MBD2: variants seen among roughly 807,000 people sequenced by gnomAD.
MBD2 encodes methyl-CpG-binding domain protein 2.
A neutral mutation model predicts 39.3 loss-of-function variants in MBD2; 9 were observed. That is an observed-to-expected ratio of 0.23 (90% CI 0.14 to 0.40). MBD2 has a LOEUF of 0.40. MBD2 is among the 10% of genes least tolerant of loss of function. MBD2 has a pLI of 1.00. For synonymous variants in MBD2, 233 were observed against 211.1 expected (o/e 1.10, Z -0.90); for missense variants, 458 against 532.6 (o/e 0.86, Z 1.38).
At chr18:54,220,859 A>G (rs1299831611) in intron 1 of MBD2, among the ~76,000 whole-genome samples, 1 of 152,242 alleles carries the variant, frequency 6.6e-6, no homozygotes, top group Non-Finnish European at 1.5e-5. Context: ...ATTACGCTAC[A>G]TACACCTTAC....
At chr18:54,189,203 T>C (rs1422349367) in intron 2 of MBD2, among the ~76,000 whole-genome samples, 192 bp from the exon 3 acceptor site, 2 of 151,268 alleles carry the variant, frequency 1.3e-5, no homozygotes, top group Non-Finnish European at 2.9e-5. Context: ...CCTCAAAATA[T>C]ATGAAAAACT....
At chr18:54,196,046 T>A (rs1162819458) in intron 2 of MBD2, among the ~76,000 whole-genome samples, 2 of 152,224 alleles carry the variant, frequency 1.3e-5, no homozygotes, top group East Asian at 3.8e-4. Flanking sequence ...CAATTCTTCG[T>A]AAGTTTTTAA....
In MBD2 at chr18:54,224,466, T is replaced by A; in HGVS notation, c.94A>T (p.Ile32Leu). The stretch of plus-strand genomic sequence containing the variant: ...GCGCTGCCCTGGCCCCCCTGCTCTA[T>A]GGCGGAGTCGCCGCCAGCGCCGCTG... ...GGSGAGGDSA[I>L]EQGGQGSALA... Residue 32 changes from isoleucine (I) to leucine (L), a missense_variant, in exon 1 of 7, where the codon ATA becomes TTA. Ile to Leu is a conservative substitution (Grantham distance 5). Around this residue, in one of 2 missense-constraint regions of MBD2, gnomAD observed 269 missense variants for 236.0 expected, o/e 1.14. Coordinates refer to ENST00000256429, the MANE Select transcript of MBD2 (RefSeq NM_003927.5). The A allele has an allele frequency of 8.1e-7, 1 of 1,230,910 alleles. No individual in the cohort carries two copies. The highest frequency in any genetic ancestry group is 1.0e-6 in the Non-Finnish European group (1 of 989,186). 76.2% of individuals were successfully genotyped at this position (1,230,910 alleles called of 1,614,324 possible).
At chr18:54,213,514 G>T (rs867328593) in intron 1 of MBD2, among the ~76,000 whole-genome samples, 3 of 152,098 alleles carry the variant, frequency 2.0e-5, no homozygotes, top group Admixed American at 1.3e-4. Context: ...AAAAACCAGG[G>T]TATGCCACTA....
At chr18:54,193,687 G>C (rs908897195) in intron 2 of MBD2, among the ~76,000 whole-genome samples, 4 of 152,070 alleles carry the variant, frequency 2.6e-5, no homozygotes, top group African/African-American at 9.7e-5. Flanking sequence ...CTTTGGAAAA[G>C]ATCAATAGTG....
chr18:54,170,317 C>A (rs144111804), intron 3 of MBD2, among the ~76,000 whole-genome samples: 1 of 152,146 alleles, frequency 6.6e-6, no homozygotes, highest in African/African-American at 2.4e-5. Flanking sequence ...ATAGCATTTT[C>A]TTTTCATAAT....
chr18:54,198,602 C>A (rs972295840), intron 2 of MBD2, among the ~76,000 whole-genome samples: 1 of 152,156 alleles, frequency 6.6e-6, no homozygotes, highest in African/African-American at 2.4e-5. Context: ...GTAGTCCCAG[C>A]TACTCAGGAG....
chr18:54,169,952 A>C (rs774827072), intron 3 of MBD2, among the ~76,000 whole-genome samples: 1 of 152,228 alleles, frequency 6.6e-6, no homozygotes, highest in African/African-American at 2.4e-5. Context: ...GGCTAGCTCC[A>C]CATGCCTATC....
In MBD2 at chr18:54,154,041, C is replaced by T. The variant is rs1413178703; in HGVS notation, c.*1283G>A. 6.6e-6 allele frequency: 1 copy of T among 152,146 alleles called. No individual in the cohort carries two copies. The highest frequency in any genetic ancestry group is 1.5e-5 in the Non-Finnish European group (1 of 68,018). The allele number at this position is 152,146 out of a possible 1,614,324, so 9.4% of individuals were successfully genotyped here. A position where few individuals can be genotyped will look rare whatever the true frequency, so the allele number is the denominator to read the frequency against. Reference sequence around the variant, plus strand: ...ACACTCATGTGGAATTGGTCATACCCCTGACTGCATCATTTAGGTTCTAAT... The same window carrying T: ...ACACTCATGTGGAATTGGTCATACCTCTGACTGCATCATTTAGGTTCTAAT... On this transcript the variant is annotated 3_prime_UTR_variant, in exon 7 of 7. Coordinates refer to ENST00000256429, the MANE Select transcript of MBD2 (RefSeq NM_003927.5).
At chr18:54,159,354 A>G (rs2086077523) in intron 6 of MBD2, among the ~76,000 whole-genome samples, 1 of 152,162 alleles carries the variant, frequency 6.6e-6, no homozygotes, top group African/African-American at 2.4e-5. Context: ...ACCCGAGCAG[A>G]GGAGTAGCTT....
chr18:54,160,683 C>T (rs1054699615), intron 5 of MBD2, among the ~76,000 whole-genome samples: 1 of 151,078 alleles, frequency 6.6e-6, no homozygotes, highest in Non-Finnish European at 1.5e-5. Flanking sequence ...AAAGTAGATC[C>T]CCCAGATGGT....
intron 3 of MBD2, among the ~76,000 whole-genome samples, chr18:54,186,195 T>C (rs1007205582): frequency 3.9e-5 from 6 of 152,208 alleles, no homozygotes; most frequent in East Asian, 1.9e-4. Flanking sequence ...AATATCACTA[T>C]CTTGAACATC....
chr18:54,190,005 G>C (rs970452056), intron 2 of MBD2, among the ~76,000 whole-genome samples: 2 of 150,224 alleles, frequency 1.3e-5, no homozygotes, highest in African/African-American at 5.1e-5. Flanking sequence ...TGAGAATGGA[G>C]GAAAATATTG....
At chr18:54,223,644 C>CT (rs1291568260) in intron 1 of MBD2, among the ~76,000 whole-genome samples, 1 of 152,218 alleles carries the variant, frequency 6.6e-6, no homozygotes, top group Non-Finnish European at 1.5e-5. Context: ...ATGCTTAACA[C>CT]TTGTGATGAT....
chr18:54,180,736 C>T (rs993895080), intron 3 of MBD2, among the ~76,000 whole-genome samples: 1 of 152,008 alleles, frequency 6.6e-6, no homozygotes, highest in African/African-American at 2.4e-5. Context: ...TTTTTAAAAA[C>T]ACTATTCGAT....
At chr18:54,189,917 G>A (rs1334188465) in intron 2 of MBD2, among the ~76,000 whole-genome samples, 1 of 152,112 alleles carries the variant, frequency 6.6e-6, no homozygotes, top group Non-Finnish European at 1.5e-5. Flanking sequence ...CCAAAGTGCT[G>A]GGATTACAGG....
intron 3 of MBD2, among the ~76,000 whole-genome samples, chr18:54,182,943 A>G (rs2086260749): frequency 3.9e-5 from 6 of 152,114 alleles, no homozygotes; most frequent in Admixed American, 1.3e-4. Context: ...AAAAAAAAAA[A>G]AGACAAAAAG....
At chr18:54,197,754 C>A (rs1468946262) in intron 2 of MBD2, among the ~76,000 whole-genome samples, 3 of 152,182 alleles carry the variant, frequency 2.0e-5, no homozygotes, top group Non-Finnish European at 4.4e-5. Context: ...TTATCATCAT[C>A]AAAATCATCA....
chr18:54,177,630 G>GC (rs1427909817), intron 3 of MBD2, among the ~76,000 whole-genome samples: 1 of 151,664 alleles, frequency 6.6e-6, no homozygotes, highest in Non-Finnish European at 1.5e-5. Context: ...ACAGGCGCCC[G>GC]CCACCACGCC....
Sources: allele counts gnomAD v4.1 joint callset (sites outside exome capture counted in the v4.1 genomes callset), GRCh38; gene constraint gnomAD v4.1.1; regional missense constraint gnomAD v4.1.1; transcripts MANE v1.5; gene names NCBI Gene and HGNC (gene_info 2026-07-23, HGNC 2026-07-21).